Variants in MCM9 observed in about 807,000 individuals in gnomAD.
MCM9 encodes the protein minichromosome maintenance 9 homologous recombination repair factor, also known as DNA helicase MCM9.
In MCM9, 55 loss-of-function variants were observed where a neutral mutation model predicts 72.8. The ratio of observed to expected loss-of-function variants is 0.76; its 90% CI spans 0.61 to 0.95. The LOEUF is 0.95. Among genes scored for constraint, MCM9 ranks in the 40% least tolerant of loss-of-function variants. The pLI is 0.00. For missense variants in MCM9, 1,279 were observed against 1,377.0 expected, an observed-to-expected ratio of 0.93 and a Z score of 1.13; for synonymous variants, 480 against 503.4, an observed-to-expected ratio of 0.95 and a Z score of 0.62.
intron 5 of MCM9, 81 bp from the exon 6 acceptor site, chr6:118,917,842 T>G (rs1781092121): frequency 7.9e-7 from 1 of 1,258,868 alleles, no homozygotes; most frequent in Non-Finnish European, 1.2e-6. Context: ...GACCAGAAAT[T>G]AGAAATAAAC....
chr6:118,858,389 C>T (rs558706295), intron 8 of MCM9, among the ~76,000 whole-genome samples: 3 of 152,022 alleles, frequency 2.0e-5, no homozygotes, highest in African/African-American at 4.8e-5. Flanking sequence ...TTACAATAAT[C>T]CTATATTTAA....
intron 8 of MCM9, among the ~76,000 whole-genome samples, chr6:118,876,731 G>A (rs776334914): frequency 2.6e-5 from 4 of 152,136 alleles, no homozygotes; most frequent in Non-Finnish European, 5.9e-5. Context: ...TTGGGAGAAC[G>A]TATTTGCAAA....
chr6:118,893,219 T>C (rs1372197655), intron 8 of MCM9, among the ~76,000 whole-genome samples: 1 of 152,222 alleles, frequency 6.6e-6, no homozygotes, highest in Non-Finnish European at 1.5e-5. Flanking sequence ...AGACCTCAAC[T>C]GGTTACAGGC....
At chr6:118,842,358 T>C (rs897291439) in intron 9 of MCM9, among the ~76,000 whole-genome samples, 3 of 152,246 alleles carry the variant, frequency 2.0e-5, no homozygotes, top group Non-Finnish European at 4.4e-5. Flanking sequence ...TGAAACATTA[T>C]CTTTCCCAAA....
chr6:118,847,287 A>C (rs1460391199), intron 9 of MCM9, among the ~76,000 whole-genome samples: 2 of 151,670 alleles, frequency 1.3e-5, no homozygotes, highest in African/African-American at 4.9e-5. Flanking sequence ...GAGGACTCCA[A>C]AACTGGGGAG....
At chr6:118,904,452 G>A (rs1404836084) in intron 8 of MCM9, among the ~76,000 whole-genome samples, 1 of 152,160 alleles carries the variant, frequency 6.6e-6, no homozygotes, top group Non-Finnish European at 1.5e-5. Context: ...TAATTTGCTG[G>A]GACTTGATCC....
chr6:118,873,874 A>C (rs1777770462), intron 8 of MCM9, among the ~76,000 whole-genome samples: 1 of 152,226 alleles, frequency 6.6e-6, no homozygotes, highest in African/African-American at 2.4e-5. Flanking sequence ...ATCTTTAACA[A>C]AATATTAGTA....
intron 8 of MCM9, among the ~76,000 whole-genome samples, chr6:118,909,414 AAG>A (rs1780380946): frequency 6.6e-6 from 1 of 152,200 alleles, no homozygotes; most frequent in Admixed American, 6.5e-5. Context: ...TTATCACTCT[AAG>A]AATTTTTTTA....
At chr6:118,817,610 T>C (rs1773495675) in intron 13 of MCM9, among the ~76,000 whole-genome samples, 1 of 152,236 alleles carries the variant, frequency 6.6e-6, no homozygotes, top group African/African-American at 2.4e-5. Flanking sequence ...CGTGTGCATG[T>C]GTCTTTACAG....
chr6:118,843,688 G>GTGTA, intron 9 of MCM9, among the ~76,000 whole-genome samples: 1 of 64,140 alleles, frequency 1.6e-5, no homozygotes, highest in East Asian at 4.6e-4. Context: ...ATATATATGT[G>GTGTA]TATATATATA....
chr6:118,836,201 C>T (rs565402802), intron 9 of MCM9, among the ~76,000 whole-genome samples: 1 of 152,302 alleles, frequency 6.6e-6, no homozygotes, highest in African/African-American at 2.4e-5. Context: ...ATGAAGCCAA[C>T]TTGATCGTGG....
chr6:118,834,924 T>C (rs1774852738), intron 9 of MCM9, among the ~76,000 whole-genome samples: 1 of 152,240 alleles, frequency 6.6e-6, no homozygotes, highest in Non-Finnish European at 1.5e-5. Flanking sequence ...ATGAAGTCTT[T>C]GCCCATCCCT....
chr6:118,934,739 T>C (rs1782766661), intron 1 of MCM9, 152 bp downstream of exon 1: 1 of 152,294 alleles, frequency 6.6e-6, no homozygotes, highest in Non-Finnish European at 1.5e-5. Context: ...ACCTTGGCAG[T>C]CTCTGAGACT....
At chr6:118,890,441 A>G (rs887630208) in intron 8 of MCM9, among the ~76,000 whole-genome samples, 1 of 152,176 alleles carries the variant, frequency 6.6e-6, no homozygotes, top group African/African-American at 2.4e-5. Flanking sequence ...TTTTTTACAA[A>G]TTGTCAAGAA....
intron 3 of MCM9, among the ~76,000 whole-genome samples, chr6:118,928,239 T>C (rs1782063835): frequency 1.3e-5 from 2 of 152,052 alleles, no homozygotes; most frequent in Non-Finnish European, 2.9e-5. Flanking sequence ...CGTGAAACCC[T>C]GTCTCTACTA....
chr6:118,900,508 A>G (rs1216020889), intron 8 of MCM9, among the ~76,000 whole-genome samples: 1 of 152,196 alleles, frequency 6.6e-6, no homozygotes, highest in African/African-American at 2.4e-5. Flanking sequence ...GCATTTCCCA[A>G]GTGTTTGGCT....
chr6:118,925,567 G>T (rs116481509), intron 3 of MCM9, among the ~76,000 whole-genome samples: 1,586 of 152,234 alleles, frequency 0.01, 30 homozygotes, highest in African/African-American at 0.036. Context: ...CTGTTGGTTG[G>T]CTGAAATTCT....
At chr6:118,889,547 G>A (rs968040511) in intron 8 of MCM9, among the ~76,000 whole-genome samples, 2 of 152,076 alleles carry the variant, frequency 1.3e-5, no homozygotes, top group African/African-American at 4.8e-5. Context: ...AGAAAAGGAT[G>A]GAATATATTA....
intron 8 of MCM9, among the ~76,000 whole-genome samples, chr6:118,883,487 A>T (rs1298098257): frequency 1.3e-5 from 2 of 152,142 alleles, no homozygotes; most frequent in African/African-American, 4.8e-5. Flanking sequence ...CAAGAAGCTC[A>T]ACAAAATCCA....
Sources: gnomAD v4.1 joint callset for allele counts (sites outside exome capture counted in the v4.1 genomes callset) on GRCh38, gnomAD v4.1.1 for gene constraint, MANE v1.5 for transcripts, NCBI Gene and HGNC (gene_info 2026-07-23, HGNC 2026-07-21) for gene names.